RBM46: variants seen among roughly 807,000 people sequenced by gnomAD.
RBM46 encodes probable RNA-binding protein 46.
A neutral mutation model predicts 43.3 loss-of-function variants in RBM46; 12 were observed. That is an observed-to-expected ratio of 0.28 (90% CI 0.18 to 0.45). The LOEUF (loss-of-function observed/expected upper bound fraction) is 0.45, where lower values mean the gene tolerates loss of function less well. RBM46 is among the 20% of genes least tolerant of loss of function. The pLI is 1.00. For synonymous variants in RBM46, 205 were observed against 207.6 expected, an observed-to-expected ratio of 0.99 and a Z score of 0.11; for missense variants, 412 against 639.1, an observed-to-expected ratio of 0.64 and a Z score of 3.83.
Position 154,828,308 on chromosome 4 carries a change from C to A in RBM46, c.*241C>A. On this transcript the variant is annotated 3_prime_UTR_variant, in exon 5 of 5. Coordinates refer to ENST00000281722, the MANE Select transcript of RBM46 (RefSeq NM_144979.5). The stretch of plus-strand genomic sequence containing the variant: ...GATAAAGGTACAGCAAACTACTATT[C>A]TTTTTAAACTTCTAGGATTTTCTTC... 2.5e-6 allele frequency: 1 copy of A among 399,208 alleles called. No individual in the cohort carries two copies. Among genetic ancestry groups the A allele is most frequent in the Non-Finnish European group, 4.5e-6 (1 of 224,382 alleles). The allele number at this position is 399,208 out of a possible 1,614,324, so 24.7% of individuals were successfully genotyped here.
At chr4:154,811,401 T>C (rs1735164226) in intron 4 of RBM46, among the ~76,000 whole-genome samples, 1 of 152,094 alleles carries the variant, frequency 6.6e-6, no homozygotes, top group African/African-American at 2.4e-5. Flanking sequence ...GATAACAGTA[T>C]CTCATAGGGT....
Position 154,828,104 on chromosome 4 carries a change from T to G in RBM46, c.*37T>G, listed in dbSNP as rs941472460. 11 of 1,442,040 alleles carry G rather than the reference T, an allele frequency of 7.6e-6. No individual in the cohort carries two copies. The Admixed American group carries it at 8.5e-5, about 11-fold the overall frequency. The allele number at this position is 1,442,040 out of a possible 1,614,324, so 89.3% of individuals were successfully genotyped here. On this transcript the variant is annotated 3_prime_UTR_variant, in exon 5 of 5. Transcript: ENST00000281722. Reference sequence around the variant, plus strand: ...ACATTAGTATGAAAATTTGTGTAAATTTGTAGTATGAAAACTTGCAAATTA... The same window carrying G: ...ACATTAGTATGAAAATTTGTGTAAAGTTGTAGTATGAAAACTTGCAAATTA...
At chr4:154,806,166 A>G (rs917183762) in intron 4 of RBM46, among the ~76,000 whole-genome samples, 2 of 151,746 alleles carry the variant, frequency 1.3e-5, no homozygotes, top group African/African-American at 4.8e-5. Context: ...CTGAAAGACC[A>G]TTTAAATGAA....
chr4:154,796,434 T>C (rs936254967), intron 1 of RBM46, among the ~76,000 whole-genome samples: 5 of 152,262 alleles, frequency 3.3e-5, no homozygotes, highest in African/African-American at 1.2e-4. Context: ...CTGTTTGCTT[T>C]CCTTTTTCTT....
chr4:154,797,183 T>C (rs370255548), intron 2 of RBM46, among the ~76,000 whole-genome samples: 1 of 152,156 alleles, frequency 6.6e-6, no homozygotes, highest in Non-Finnish European at 1.5e-5. Flanking sequence ...GGTGCTACTC[T>C]AGGTGTTAAA....
At chr4:154,802,418 C>T (rs1388816762) in intron 4 of RBM46, among the ~76,000 whole-genome samples, 2 of 152,130 alleles carry the variant, frequency 1.3e-5, no homozygotes. Context: ...CTGAGTGTTG[C>T]CATAGCAGTG....
At chr4:154,781,461 G>C (rs1733455094) in intron 1 of RBM46, 25 bp downstream of exon 1, 1 of 152,312 alleles carries the variant, frequency 6.6e-6, no homozygotes, top group African/African-American at 2.4e-5. Flanking sequence ...GGGGAAACGG[G>C]GTCACTACCA....
chr4:154,802,824 C>A (rs1240358596), intron 4 of RBM46, among the ~76,000 whole-genome samples: 2 of 151,890 alleles, frequency 1.3e-5, no homozygotes, highest in Non-Finnish European at 2.9e-5. Context: ...TATTTTAACC[C>A]TTTCAGTGTG....
intron 4 of RBM46, among the ~76,000 whole-genome samples, chr4:154,825,609 A>G (rs766361988): frequency 1.3e-5 from 2 of 152,170 alleles, no homozygotes; most frequent in Non-Finnish European, 2.9e-5. Context: ...TATTTAATTT[A>G]GTCTCCTTGA....
rs752769959 is a variant in RBM46, at chr4:154,798,288, A to G, written c.619+10A>G. 4 of 1,532,168 alleles carry G rather than the reference A, an allele frequency of 2.6e-6. No individual in the cohort carries two copies. The African/African-American group carries it at 5.6e-5, about 21-fold the overall frequency. The allele number at this position is 1,532,168 out of a possible 1,614,324, so 94.9% of individuals were successfully genotyped here. On this transcript the variant is annotated intron_variant, in intron 3 of 4. Coordinates refer to ENST00000281722, the MANE Select transcript of RBM46 (RefSeq NM_144979.5). ...AGGAAACTAATTCCAGGTAAACTGA[A>G]AGGTTGTTTTTCAATATTAACATTA...
chr4:154,799,288 A>G lies in RBM46; in HGVS notation c.1126A>G (p.Thr376Ala), dbSNP rs775533572. ...ERCTYPFYPG[T>A]KLTPISMYSL... ...ATGCACTTACCCTTTTTATCCTGGA[A>G]CAAAGCTTACTCCAATTAGTATGTA... The change falls in exon 4 of 5, where the codon ACA (threonine) becomes GCA (alanine). Residue 376 changes from threonine to alanine, a missense_variant. By Grantham distance (58) the Thr-to-Ala change is moderately conservative (BLOSUM62 0). This residue lies in a region of RBM46 where 105 missense variants were observed against 111.0 expected (regional missense o/e 0.95). Coordinates refer to ENST00000281722, the MANE Select transcript of RBM46 (RefSeq NM_144979.5). 2 of 1,614,240 alleles carry G rather than the reference A, an allele frequency of 1.2e-6. No homozygotes were observed. The highest frequency in any genetic ancestry group is 1.7e-5 in the Admixed American group (1 of 60,030).
chr4:154,814,758 A>G (rs757717815), intron 4 of RBM46, among the ~76,000 whole-genome samples: 3 of 152,000 alleles, frequency 2.0e-5, no homozygotes, highest in Admixed American at 6.6e-5. Context: ...TAGTAACTAT[A>G]AAGTGATTTT....
intron 4 of RBM46, among the ~76,000 whole-genome samples, chr4:154,822,150 G>A (rs987194414): frequency 2.0e-5 from 3 of 151,564 alleles, no homozygotes; most frequent in Non-Finnish European, 4.4e-5. Flanking sequence ...TGTACAATTT[G>A]GTTCATTTTG....
At chr4:154,819,569 A>G (rs1735628734) in intron 4 of RBM46, among the ~76,000 whole-genome samples, 1 of 152,160 alleles carries the variant, frequency 6.6e-6, no homozygotes, top group Non-Finnish European at 1.5e-5. Flanking sequence ...TACATTTTCT[A>G]GTTCTTACCA....
intron 4 of RBM46, among the ~76,000 whole-genome samples, chr4:154,800,982 A>T (rs1011305206): frequency 5.6e-5 from 8 of 143,482 alleles, no homozygotes; most frequent in South Asian, 2.2e-4. Flanking sequence ...AGTATTAGAA[A>T]TTTTTTTTTT....
intron 4 of RBM46, among the ~76,000 whole-genome samples, chr4:154,814,669 A>G (rs1328344523): frequency 6.6e-6 from 1 of 152,032 alleles, no homozygotes; most frequent in African/African-American, 2.4e-5. Flanking sequence ...TCTGTATTTA[A>G]TAATATTTCT....
In RBM46 at chr4:154,781,312, C is replaced by G. The variant is rs560084712; in HGVS notation, c.-136C>G. 6.6e-6 allele frequency: 1 copy of G among 152,324 alleles called. No individual in the cohort carries two copies. 9.4% of individuals were successfully genotyped at this position (152,324 alleles called of 1,614,324 possible). A position where few individuals can be genotyped will look rare whatever the true frequency, so the allele number is the denominator to read the frequency against. Reference sequence around the variant, plus strand: ...ACACGAGGACCAGCGCGAGCGGTCCCGGTGGGCTACCCTCCCCCTGCGACG... The same window carrying G: ...ACACGAGGACCAGCGCGAGCGGTCCGGGTGGGCTACCCTCCCCCTGCGACG... On this transcript the variant is annotated 5_prime_UTR_variant, in exon 1 of 5. Transcript: ENST00000281722.
chr4:154,828,242 T>TA lies in RBM46; in HGVS notation c.*180dup, dbSNP rs1245224902. 6 of 590,716 alleles carry TA rather than the reference T, an allele frequency of 1.0e-5. No homozygotes were observed. In the African/African-American group the frequency reaches 1.1e-4, roughly 11 times the overall value. The allele number at this position is 590,716 out of a possible 1,614,324, so 36.6% of individuals were successfully genotyped here. A position where few individuals can be genotyped will look rare whatever the true frequency, so the allele number is the denominator to read the frequency against. On this transcript the variant is annotated 3_prime_UTR_variant, in exon 5 of 5. Coordinates refer to ENST00000281722, the MANE Select transcript of RBM46 (RefSeq NM_144979.5). ...GAATAACATGGAGTTGTAGAATTTA[T>TA]AAAAATGCAAAGTTTAAAAAGTTAT...
At chr4:154,819,837 A>G (rs1339376050) in intron 4 of RBM46, among the ~76,000 whole-genome samples, 1 of 152,122 alleles carries the variant, frequency 6.6e-6, no homozygotes, top group Non-Finnish European at 1.5e-5. Flanking sequence ...ACTATATATG[A>G]CTAAATTAGA....
Sources: allele counts gnomAD v4.1 joint callset (sites outside exome capture counted in the v4.1 genomes callset), GRCh38; gene constraint gnomAD v4.1.1; regional missense constraint gnomAD v4.1.1; transcripts MANE v1.5; gene names NCBI Gene and HGNC (gene_info 2026-07-23, HGNC 2026-07-21).